The following PRELID2 variants were observed in gnomAD, a reference collection of about 807,000 sequenced individuals.
PRELID2 encodes PRELI domain-containing protein 2.
In PRELID2, 25 loss-of-function variants were observed where a neutral mutation model predicts 28.4. That is an observed-to-expected ratio of 0.88 (90% confidence interval 0.64 to 1.23). The LOEUF (loss-of-function observed/expected upper bound fraction) is 1.23. PRELID2 is among the 50% of genes most tolerant of loss of function. PRELID2 has a pLI of 0.00. For missense variants in PRELID2, 201 were observed against 214.4 expected (o/e 0.94, Z 0.39); for synonymous variants, 76 against 71.6 (o/e 1.06, Z -0.31).
At chr5:145,772,261 C>T (rs1581171731) in intron 5 of PRELID2, among the ~76,000 whole-genome samples, 1 of 151,676 alleles carries the variant, frequency 6.6e-6, no homozygotes, top group Non-Finnish European at 1.5e-5. Context: ...CACACAGTAA[C>T]TAAACCTCAA....
chr5:145,383,880 A>G, the PRELID2 span, among the ~76,000 whole-genome samples: 6 of 152,134 alleles, frequency 3.9e-5, no homozygotes, highest in South Asian at 8.3e-4. Flanking sequence ...TTAACTATGT[A>G]TGTGTGTATA....
the PRELID2 span, among the ~76,000 whole-genome samples, chr5:145,236,475 C>T: frequency 6.6e-6 from 1 of 152,124 alleles, no homozygotes; most frequent in East Asian, 1.9e-4. Context: ...AGATCATTCA[C>T]AAGTAAATAA....
intron 1 of PRELID2, among the ~76,000 whole-genome samples, chr5:145,555,039 C>CT: frequency 6.6e-6 from 1 of 152,244 alleles, no homozygotes. Context: ...TCAAATCCAT[C>CT]TTTGGATATA....
intron 2 of PRELID2, 100 bp downstream of exon 2, chr5:145,822,977 T>C (rs530871716): frequency 3.2e-5 from 19 of 601,502 alleles, no homozygotes; most frequent in East Asian, 2.8e-4. Context: ...AACAATTTTT[T>C]AAAAAAAACC....
chr5:145,708,388 A>T (rs1354638855), intron 1 of PRELID2, among the ~76,000 whole-genome samples: 1 of 152,096 alleles, frequency 6.6e-6, no homozygotes, highest in African/African-American at 2.4e-5. Flanking sequence ...AACCAGTTTG[A>T]TCATTTATAA....
chr5:145,739,885 A>G (rs1225993857), intron 1 of PRELID2, among the ~76,000 whole-genome samples: 1 of 151,938 alleles, frequency 6.6e-6, no homozygotes, highest in Admixed American at 6.6e-5. Context: ...ATCAAATTAT[A>G]AAATGTATCC....
At chr5:145,750,483 T>C (rs568447275) in intron 1 of PRELID2, among the ~76,000 whole-genome samples, 4 of 152,282 alleles carry the variant, frequency 2.6e-5, no homozygotes, top group African/African-American at 9.6e-5. Context: ...GAGCTTGGTT[T>C]GTGGCCATTG....
the PRELID2 span, among the ~76,000 whole-genome samples, chr5:145,406,380 A>T: frequency 2.0e-5 from 3 of 152,196 alleles, no homozygotes; most frequent in African/African-American, 7.2e-5. Flanking sequence ...GATGGCTCTC[A>T]TGTCTCTGAA....
chr5:145,275,098 C>G, the PRELID2 span, among the ~76,000 whole-genome samples: 1 of 152,118 alleles, frequency 6.6e-6, no homozygotes, highest in African/African-American at 2.4e-5. Context: ...TTTAAAGGCC[C>G]TATCTCCAAA....
chr5:145,634,557 T>G (rs2149660418), intron 1 of PRELID2, among the ~76,000 whole-genome samples: 1 of 152,320 alleles, frequency 6.6e-6, no homozygotes, highest in South Asian at 2.1e-4. Context: ...AGTCAGTTCC[T>G]TAGATTTCAG....
chr5:145,656,555 T>C (rs10065861), intron 1 of PRELID2, among the ~76,000 whole-genome samples: 10,932 of 152,032 alleles, frequency 0.072, 1,003 homozygotes, highest in African/African-American at 0.22. Flanking sequence ...ATATACACCA[T>C]GGAATACTAT....
chr5:145,760,772 T>A (rs1757436351), intron 6 of PRELID2, among the ~76,000 whole-genome samples: 1 of 152,250 alleles, frequency 6.6e-6, no homozygotes, highest in South Asian at 2.1e-4. Flanking sequence ...ATTGAGGTCT[T>A]AATCATTCCA....
intron 1 of PRELID2, among the ~76,000 whole-genome samples, chr5:145,627,893 C>T (rs181063443): frequency 8.4e-4 from 128 of 152,284 alleles, no homozygotes; most frequent in African/African-American, 2.9e-3. Context: ...TTGGTAATTA[C>T]TGTTAAATAG....
the PRELID2 span, chr5:145,440,975 T>C: frequency 9.2e-5 from 14 of 152,060 alleles, no homozygotes; most frequent in Admixed American, 1.3e-4. Flanking sequence ...TGATGAGCAG[T>C]GTTCATTATC....
At chr5:145,705,939 T>TACACACACACAC (rs61283424) in intron 1 of PRELID2, among the ~76,000 whole-genome samples, 3,057 of 145,568 alleles carry the variant, frequency 0.021, 116 homozygotes, top group African/African-American at 0.073. Context: ...CATGTGCGCC[T>TACACACACACAC]ACACACACAC....
the PRELID2 span, among the ~76,000 whole-genome samples, chr5:145,457,490 T>A: frequency 6.6e-6 from 1 of 152,286 alleles, no homozygotes; most frequent in South Asian, 2.1e-4. Flanking sequence ...TGATTATGTA[T>A]CAGTCTACAC....
intron 1 of PRELID2, among the ~76,000 whole-genome samples, chr5:145,647,932 T>C (rs1207681416): frequency 6.6e-6 from 1 of 152,242 alleles, no homozygotes; most frequent in East Asian, 1.9e-4. Context: ...GAAATCACCC[T>C]GCTTGTGCAG....
intron 1 of PRELID2, among the ~76,000 whole-genome samples, chr5:145,658,686 A>G (rs1581033763): frequency 6.6e-6 from 1 of 152,098 alleles, no homozygotes; most frequent in South Asian, 2.1e-4. Context: ...CTAAGACCTC[A>G]CCAGAAGCAG....
the PRELID2 span, among the ~76,000 whole-genome samples, chr5:145,287,234 C>G: frequency 1.3e-5 from 2 of 151,964 alleles, no homozygotes; most frequent in Non-Finnish European, 2.9e-5. Context: ...GTATACATAG[C>G]TATGATAAAG....
Sources: gnomAD v4.1 joint callset for allele counts (sites outside exome capture counted in the v4.1 genomes callset) on GRCh38, gnomAD v4.1.1 for gene constraint, MANE v1.5 for transcripts, NCBI Gene and HGNC (gene_info 2026-07-23, HGNC 2026-07-21) for gene names.